MEGF11: variants seen among roughly 807,000 people sequenced by gnomAD.
The protein encoded by MEGF11 is multiple EGF like domains 11.
In MEGF11, 126 loss-of-function variants were observed where a neutral mutation model predicts 146.6. The observed-to-expected ratio is 0.86, with a 90% CI of 0.74 to 1.00. The LOEUF (loss-of-function observed/expected upper bound fraction) is 1.00. Ranked by LOEUF, MEGF11 falls within the 50% of genes least tolerant of loss-of-function variation. MEGF11 has a pLI of 0.00. For missense variants in MEGF11, 1,509 were observed against 1,521.2 expected, an observed-to-expected ratio of 0.99 and a Z score of 0.13; for synonymous variants, 532 against 583.4, an observed-to-expected ratio of 0.91 and a Z score of 1.27.
chr15:66,107,227 G>A lies in MEGF11; in HGVS notation c.301+11859C>T, dbSNP rs183891272. ...CCTACTTGATGGACAGCTGAGCAAG[G>A]CTCTTGAAAGACAGGTCTCCAAAGA... On this transcript the variant is annotated intron_variant, in intron 4 of 25. Transcript: ENST00000395614. Among the ~76,000 whole-genome samples the A allele has an allele frequency of 3.9e-3, 601 of 152,284 alleles. 5 individuals are homozygous for A. Among genetic ancestry groups the A allele is most frequent in the Non-Finnish European group, 2.9e-3 (195 of 68,024 alleles).
intron 4 of MEGF11, among the ~76,000 whole-genome samples, chr15:66,118,320 C>G (rs2087836082): frequency 6.6e-6 from 1 of 152,080 alleles, no homozygotes; most frequent in Admixed American, 6.5e-5. Context: ...GCCGAAAGCC[C>G]CATAGCTAGG....
chr15:65,985,837 G>A (rs1380061071), intron 5 of MEGF11, among the ~76,000 whole-genome samples: 2 of 152,030 alleles, frequency 1.3e-5, no homozygotes, highest in Non-Finnish European at 2.9e-5. Flanking sequence ...GGCAGCTCAG[G>A]GGATTATAGA....
intron 1 of MEGF11, among the ~76,000 whole-genome samples, chr15:66,202,394 C>A (rs775832688): frequency 6.6e-6 from 1 of 152,180 alleles, no homozygotes; most frequent in Non-Finnish European, 1.5e-5. Flanking sequence ...GGCATGACGG[C>A]CCTCCATGCT....
chr15:66,063,561 G>T (rs1007460071), intron 5 of MEGF11, among the ~76,000 whole-genome samples: 4 of 152,174 alleles, frequency 2.6e-5, no homozygotes, highest in African/African-American at 9.7e-5. Context: ...TGCTGCAGGA[G>T]CACCTACTGA....
chr15:66,105,082 C>T (rs1168525460), intron 4 of MEGF11, among the ~76,000 whole-genome samples: 1 of 152,010 alleles, frequency 6.6e-6, no homozygotes, highest in African/African-American at 2.4e-5. Flanking sequence ...AATGTAGCCC[C>T]AAACCTGGAT....
At chr15:66,080,331 C>T (rs2085794859) in intron 5 of MEGF11, among the ~76,000 whole-genome samples, 1 of 152,164 alleles carries the variant, frequency 6.6e-6, no homozygotes. Flanking sequence ...ATTATGTAAC[C>T]TCTCTGTGCC....
At chr15:66,025,079 C>T (rs1039876055) in intron 5 of MEGF11, among the ~76,000 whole-genome samples, 1 of 151,864 alleles carries the variant, frequency 6.6e-6, no homozygotes, top group Non-Finnish European at 1.5e-5. Flanking sequence ...AAGATGAATT[C>T]CGGCCAGGTC....
chr15:65,977,211 G>A (rs1162948843), intron 7 of MEGF11, among the ~76,000 whole-genome samples: 4 of 150,156 alleles, frequency 2.7e-5, no homozygotes, highest in Admixed American at 6.7e-5. Flanking sequence ...AAAAAGAGAA[G>A]GGGCCAAGAT....
At chr15:66,154,216 A>G (rs1429911190) in intron 1 of MEGF11, among the ~76,000 whole-genome samples, 1 of 152,216 alleles carries the variant, frequency 6.6e-6, no homozygotes, top group Non-Finnish European at 1.5e-5. Context: ...AAACAACAAC[A>G]TCATAACTGT....
intron 10 of MEGF11, among the ~76,000 whole-genome samples, chr15:65,947,728 A>G (rs942816150): frequency 2.6e-5 from 4 of 152,224 alleles, no homozygotes; most frequent in Non-Finnish European, 5.9e-5. Context: ...AGCCAGCAGA[A>G]GCCCCATCTA....
At chr15:65,980,513 C>T (rs1280961480) in intron 7 of MEGF11, among the ~76,000 whole-genome samples, 1 of 148,976 alleles carries the variant, frequency 6.7e-6, no homozygotes, top group African/African-American at 2.5e-5. Context: ...ATTCTTGTGC[C>T]TCAGCCTCCC....
chr15:66,219,136 A>G (rs568015842), intron 1 of MEGF11, among the ~76,000 whole-genome samples: 1 of 152,334 alleles, frequency 6.6e-6, no homozygotes, highest in South Asian at 2.1e-4. Context: ...AAGAAAACAT[A>G]GAAGAATATC....
chr15:66,185,658 TG>T (rs2090674927), intron 1 of MEGF11, among the ~76,000 whole-genome samples: 3 of 151,790 alleles, frequency 2.0e-5, no homozygotes, highest in Admixed American at 6.6e-5. Context: ...CCCCAAAGTG[TG>T]GGGAGGTGGT....
intron 5 of MEGF11, among the ~76,000 whole-genome samples, chr15:66,014,823 T>C (rs1232189594): frequency 6.6e-6 from 1 of 152,152 alleles, no homozygotes; most frequent in African/African-American, 2.4e-5. Context: ...AGGGATGAAT[T>C]ATGAGGTCAG....
intron 4 of MEGF11, among the ~76,000 whole-genome samples, chr15:66,115,267 G>A (rs766338099): frequency 3.3e-5 from 5 of 152,212 alleles, no homozygotes; most frequent in Non-Finnish European, 4.4e-5. Context: ...GAGACAAGTC[G>A]CAGGGCAGGG....
In MEGF11 at chr15:65,979,793, T is replaced by C. The variant is rs1364035084; in HGVS notation, c.762+985A>G. On this transcript the variant is annotated intron_variant, in intron 7 of 25. Transcript: ENST00000395614. ...CCTCACATGAGCCAGCCTCCAACCA[T>C]GGCAGCTGGGCAGGGCAGGGCTCAC... Among the ~76,000 whole-genome samples, 13 of 152,210 alleles carry C rather than the reference T, an allele frequency of 8.5e-5. 1 individual carries two copies. The highest frequency in any genetic ancestry group is 8.5e-4 in the Admixed American group (13 of 15,282).
At chr15:66,215,046 T>C (rs2091552102) in intron 1 of MEGF11, among the ~76,000 whole-genome samples, 1 of 152,080 alleles carries the variant, frequency 6.6e-6, no homozygotes, top group Non-Finnish European at 1.5e-5. Context: ...TGATGTTCTC[T>C]TTACCATTAA....
intron 1 of MEGF11, among the ~76,000 whole-genome samples, chr15:66,159,892 C>T (rs746852347): frequency 1.3e-5 from 2 of 152,086 alleles, no homozygotes; most frequent in African/African-American, 4.8e-5. Flanking sequence ...CCCACATGAG[C>T]TCTCTGTGGA....
chr15:66,076,805 C>T (rs951883160), intron 5 of MEGF11, among the ~76,000 whole-genome samples: 4 of 152,192 alleles, frequency 2.6e-5, no homozygotes, highest in African/African-American at 9.7e-5. Context: ...CAATCTCCCC[C>T]CATCCAATCT....
Sources: gnomAD v4.1 joint callset for allele counts (sites outside exome capture counted in the v4.1 genomes callset) on GRCh38, gnomAD v4.1.1 for gene constraint, MANE v1.5 for transcripts, NCBI Gene and HGNC (gene_info 2026-07-23, HGNC 2026-07-21) for gene names.